Variants in GRID2 observed in about 807,000 individuals in gnomAD.
GRID2 encodes glutamate ionotropic receptor delta type subunit 2.
Under a neutral mutation model 114.8 loss-of-function variants are expected in GRID2, and 33 were observed. That is an observed-to-expected ratio of 0.29 (90% CI 0.22 to 0.38). GRID2 has a LOEUF of 0.38. GRID2 is among the 10% of genes least tolerant of loss of function. The pLI, the probability that GRID2 is intolerant of heterozygous loss-of-function variation, is 1.00. For missense variants in GRID2, 1,184 were observed against 1,257.7 expected, an observed-to-expected ratio of 0.94 and a Z score of 0.89; for synonymous variants, 505 against 449.9, an observed-to-expected ratio of 1.12 and a Z score of -1.55.
intron 1 of GRID2, among the ~76,000 whole-genome samples, chr4:92,540,068 A>G (rs1016854331): frequency 3.3e-5 from 5 of 152,068 alleles, no homozygotes; most frequent in South Asian, 2.1e-4. Flanking sequence ...TTTAATAAAT[A>G]GTGCTGGGAA....
At chr4:92,460,250 G>C (rs1373803471) in intron 1 of GRID2, among the ~76,000 whole-genome samples, 3 of 151,338 alleles carry the variant, frequency 2.0e-5, no homozygotes. Flanking sequence ...CTGTGTGATC[G>C]AGATAATGGG....
intron 2 of GRID2, among the ~76,000 whole-genome samples, chr4:92,837,754 C>A (rs143166365): frequency 1.9e-4 from 29 of 152,094 alleles, no homozygotes; most frequent in Admixed American, 5.9e-4. Flanking sequence ...TGGATTTGGA[C>A]TAGGATCTAT....
intron 2 of GRID2, among the ~76,000 whole-genome samples, chr4:92,760,941 G>A (rs1737980351): frequency 2.0e-5 from 3 of 152,050 alleles, no homozygotes; most frequent in South Asian, 4.1e-4. Flanking sequence ...GTAATATGAT[G>A]TAATAGCCTT....
chr4:93,806,368 G>C (rs143993741), intron 1 of GRID2, among the ~76,000 whole-genome samples: 1 of 152,166 alleles, frequency 6.6e-6, no homozygotes, highest in Non-Finnish European at 1.5e-5. Flanking sequence ...CTCCATGTGA[G>C]AGCGATACTG....
At chr4:93,711,911 A>G (rs745745108) in intron 14 of GRID2, among the ~76,000 whole-genome samples, 1 of 152,276 alleles carries the variant, frequency 6.6e-6, no homozygotes, top group South Asian at 2.1e-4. Flanking sequence ...TTGTGTGGAT[A>G]GTTGTACCGT....
chr4:92,588,973 G>A (rs977122508), intron 1 of GRID2, among the ~76,000 whole-genome samples: 10 of 151,852 alleles, frequency 6.6e-5, no homozygotes, highest in Non-Finnish European at 1.2e-4. Context: ...GAGTGTGTTC[G>A]CGTGCACCTG....
At chr4:93,330,956 CT>C (rs1215272969) in intron 8 of GRID2, among the ~76,000 whole-genome samples, 1 of 152,044 alleles carries the variant, frequency 6.6e-6, no homozygotes, top group African/African-American at 2.4e-5. Flanking sequence ...AAGGCACATT[CT>C]CATAGCTGTC....
intron 8 of GRID2, among the ~76,000 whole-genome samples, chr4:93,293,314 T>C (rs1403793383): frequency 2.0e-5 from 3 of 152,210 alleles, no homozygotes; most frequent in African/African-American, 7.2e-5. Flanking sequence ...CATACAGTTA[T>C]ACGCTGCTGA....
chr4:93,147,675 T>C (rs1199172243), intron 4 of GRID2, among the ~76,000 whole-genome samples: 1 of 152,110 alleles, frequency 6.6e-6, no homozygotes, highest in East Asian at 1.9e-4. Context: ...GAGGTGGCCC[T>C]GATGAAAGGG....
chr4:93,334,834 G>A (rs557961981), intron 8 of GRID2, among the ~76,000 whole-genome samples: 1 of 152,256 alleles, frequency 6.6e-6, no homozygotes, highest in East Asian at 1.9e-4. Flanking sequence ...GGGAGGCTAA[G>A]GCAGGAGAAT....
intron 14 of GRID2, among the ~76,000 whole-genome samples, chr4:93,735,771 C>CA (rs1168877078): frequency 6.6e-6 from 1 of 152,022 alleles, no homozygotes; most frequent in African/African-American, 2.4e-5. Flanking sequence ...CCTACATGAC[C>CA]ACCTTAGTGA....
chr4:93,244,823 T>C (rs545206660), intron 8 of GRID2, among the ~76,000 whole-genome samples: 30 of 151,782 alleles, frequency 2.0e-4, no homozygotes, highest in Middle Eastern at 3.4e-3. Context: ...TGTATTCTGA[T>C]TCTGGAATAT....
At chr4:92,617,062 C>G (rs1158506983) in intron 2 of GRID2, among the ~76,000 whole-genome samples, 2 of 151,186 alleles carry the variant, frequency 1.3e-5, no homozygotes, top group Non-Finnish European at 3.0e-5. Context: ...ATGTTGGGAA[C>G]ATTCAATATC....
chr4:93,320,857 C>A lies in GRID2; in HGVS notation c.1246-74750C>A, dbSNP rs574957642. Reference sequence around the variant, plus strand: ...ATGCAAACTGTTTAAATGTATATATCTGTGATATTTTAATAATGTCCCAAG... The same window carrying A: ...ATGCAAACTGTTTAAATGTATATATATGTGATATTTTAATAATGTCCCAAG... On this transcript the variant is annotated intron_variant, in intron 8 of 15. Transcript: ENST00000282020. 5.3e-5 allele frequency among the ~76,000 whole-genome samples: 8 copies of A among 151,992 alleles called. No individual in the cohort carries two copies. In the East Asian group the frequency reaches 1.5e-3, roughly 29 times the overall value.
chr4:92,317,761 C>G (rs1372068218), intron 1 of GRID2, among the ~76,000 whole-genome samples: 1 of 152,048 alleles, frequency 6.6e-6, no homozygotes, highest in Non-Finnish European at 1.5e-5. Flanking sequence ...GTTAGTGAGA[C>G]AAGTGAAGCT....
intron 1 of GRID2, among the ~76,000 whole-genome samples, chr4:92,314,481 A>T (rs1048484227): frequency 4.6e-5 from 7 of 152,030 alleles, no homozygotes; most frequent in African/African-American, 7.2e-5. Context: ...ACATTTTTTT[A>T]AAAAGTTTTT....
At chr4:92,640,458 T>C (rs1731288843) in intron 2 of GRID2, among the ~76,000 whole-genome samples, 1 of 151,860 alleles carries the variant, frequency 6.6e-6, no homozygotes, top group Admixed American at 6.6e-5. Flanking sequence ...AAAATTAACG[T>C]AAAATCATAG....
chr4:93,128,672 G>A (rs11931441), intron 4 of GRID2, among the ~76,000 whole-genome samples: 9,271 of 150,978 alleles, frequency 0.061, 498 homozygotes, highest in East Asian at 0.2. Context: ...ATGGAAACTT[G>A]GGAAACCTGA....
At chr4:93,586,002 G>A (rs1737504447) in intron 13 of GRID2, among the ~76,000 whole-genome samples, 1 of 151,978 alleles carries the variant, frequency 6.6e-6, no homozygotes, top group African/African-American at 2.4e-5. Flanking sequence ...ATAAACCCAT[G>A]AGTTTGTTAA....
Sources: gnomAD v4.1 joint callset for allele counts (sites outside exome capture counted in the v4.1 genomes callset) on GRCh38, gnomAD v4.1.1 for gene constraint, MANE v1.5 for transcripts, NCBI Gene and HGNC (gene_info 2026-07-23, HGNC 2026-07-21) for gene names.